ADGRE2: variants seen among roughly 807,000 people sequenced by gnomAD.
ADGRE2 encodes CD97 antigen.
Under a neutral mutation model 100.8 loss-of-function variants are expected in ADGRE2, and 83 were observed. The observed-to-expected ratio is 0.82, with a 90% CI of 0.69 to 0.99. The LOEUF (loss-of-function observed/expected upper bound fraction) is 0.99. Ranked by LOEUF, ADGRE2 falls within the 50% of genes least tolerant of loss-of-function variation. ADGRE2 has a pLI of 0.00. For synonymous variants in ADGRE2, 355 were observed against 413.0 expected (o/e 0.86, Z 1.70); for missense variants, 814 against 1,035.7 (o/e 0.79, Z 2.94).
chr19:14,761,315 A>G (rs1599847565), intron 11 of ADGRE2, among the ~76,000 whole-genome samples: 1 of 152,166 alleles, frequency 6.6e-6, no homozygotes, highest in East Asian at 1.9e-4. Context: ...CTGAGGCAGG[A>G]GAATCGCTTG....
chr19:14,740,769 C>CTCTG, intron 20 of ADGRE2, among the ~76,000 whole-genome samples: 1 of 152,270 alleles, frequency 6.6e-6, no homozygotes, highest in East Asian at 1.9e-4. Context: ...AGGGGTCTTG[C>CTCTG]TCTGTCACCC....
In ADGRE2 at chr19:14,769,216, A is replaced by AC. The variant is rs34106120; in HGVS notation, c.356-2108dup. ...ACCAGCCTGGACAACATGGTGAGAC[A>AC]CCCCCCCCCCATCTTTACTAATAAA... On this transcript the variant is annotated intron_variant, in intron 5 of 20. Coordinates refer to ENST00000315576, the MANE Select transcript of ADGRE2 (RefSeq NM_013447.4). 5.7e-3 allele frequency among the ~76,000 whole-genome samples: 860 copies of AC among 149,794 alleles called. 4 individuals carry two copies. The highest frequency in any genetic ancestry group is 0.026 in the South Asian group (119 of 4,652).
chr19:14,725,714 A>G, the ADGRE2 span, among the ~76,000 whole-genome samples: 1 of 152,236 alleles, frequency 6.6e-6, no homozygotes, highest in Admixed American at 6.5e-5. Flanking sequence ...CTTTGACTCC[A>G]TGTCCTGCGT....
At chr19:14,744,529 C>T (rs1179583587) in intron 18 of ADGRE2, among the ~76,000 whole-genome samples, 1 of 152,018 alleles carries the variant, frequency 6.6e-6, no homozygotes, top group African/African-American at 2.4e-5. Flanking sequence ...GATCTTGGCT[C>T]ACTGCAACCT....
At chr19:14,750,102 T>C (rs967086205) in intron 16 of ADGRE2, among the ~76,000 whole-genome samples, 4 of 99,512 alleles carry the variant, frequency 4.0e-5, no homozygotes, top group Non-Finnish European at 7.4e-5. Context: ...ATGTAATTAT[T>C]CATAGTTACA....
intron 15 of ADGRE2, 128 bp from the exon 16 acceptor site, chr19:14,751,799 T>C (rs943236535): frequency 2.9e-6 from 2 of 691,334 alleles, no homozygotes; most frequent in Non-Finnish European, 4.8e-6. Context: ...ATTTGCTGTG[T>C]AGTTGAGTCA....
intron 4 of ADGRE2, among the ~76,000 whole-genome samples, chr19:14,773,401 TTCTG>T (rs541589716): frequency 2.1e-5 from 3 of 145,670 alleles, no homozygotes; most frequent in Non-Finnish European, 4.5e-5. Flanking sequence ...CCTTCTCTCT[TTCTG>T]TCTTTTTTTT....
chr19:14,746,960 C>T lies in ADGRE2; in HGVS notation c.2027G>A (p.Cys676Tyr). Residue 676 changes from cysteine to tyrosine, a missense_variant and splice_region_variant, in exon 17 of 21, where the codon TGC (cysteine) becomes TAC (tyrosine). Physicochemically the swap from Cys to Tyr is radical, Grantham distance 194 (BLOSUM62 -2). Coordinates refer to ENST00000315576, the MANE Select transcript of ADGRE2 (RefSeq NM_013447.4). Reference protein sequence around the residue: ...RPHLYGTPSRCWLQPEKGFIW... With the variant: ...RPHLYGTPSRYWLQPEKGFIW... The stretch of plus-strand genomic sequence containing the variant: ...AAATCCCTTTTCTGGTTGGAGCCAG[C>T]AGCTGAAAAAAGAGAGATTAAAAAA... 11 of 1,609,236 alleles carry T rather than the reference C, an allele frequency of 6.8e-6. No homozygotes were observed. The highest frequency in any genetic ancestry group is 9.3e-6 in the Non-Finnish European group (11 of 1,177,898).
In ADGRE2 at chr19:14,759,503, A is replaced by T. The variant is rs1246440802; in HGVS notation, c.1085-3158T>A. ...ATAAGTTATACATATATATATATAT[A>T]TTTTTTTTTTTTAGACGGAGTCTCA... On this transcript the variant is annotated intron_variant, in intron 11 of 20. Transcript: ENST00000315576. Among the ~76,000 whole-genome samples, 394 of 133,342 alleles carry T rather than the reference A, an allele frequency of 3.0e-3. 2 individuals carry two copies. Among genetic ancestry groups the T allele is most frequent in the African/African-American group, 4.2e-3 (143 of 33,660 alleles). The allele number at this position is 133,342 out of a possible 152,430, so 87.5% of individuals were successfully genotyped here. A position where few individuals can be genotyped will look rare whatever the true frequency, so the allele number is the denominator to read the frequency against.
chr19:14,752,470 C>T lies in ADGRE2; in HGVS notation c.1647G>A (p.Leu549=). The stretch of plus-strand genomic sequence containing the variant: ...AAGTGAGGGCCGCCAGGAGGAGGCA[C>T]AGCAGAGAGACGCTCAGCCCCATGT... ...ITYMGLSVSL[L]CLLLAALTFL... Residue 549 remains leucine, a synonymous_variant, in exon 15 of 21, where the codon CTG becomes CTA. Coordinates refer to ENST00000315576, the MANE Select transcript of ADGRE2 (RefSeq NM_013447.4). 3 of 1,614,136 alleles carry T rather than the reference C, an allele frequency of 1.9e-6. No individual in the cohort carries two copies. The highest frequency in any genetic ancestry group is 2.2e-5 in the East Asian group (1 of 44,882).
At position 14,764,552 on chromosome 19, in the gene ADGRE2, G is replaced by A. The variant is rs141383411; in HGVS notation, c.965C>T (p.Pro322Leu). The A allele has an allele frequency of 6.2e-7, 1 of 1,612,930 alleles. No individual in the cohort carries two copies. The highest frequency in any genetic ancestry group is 8.5e-7 in the Non-Finnish European group (1 of 1,179,944). Reference protein sequence around the residue: ...LEAPGDLETLPRLQQHCVASH... With the variant: ...LEAPGDLETLLRLQQHCVASH... ...GGCCACACAGTGCTGCTGTAAGCGG[G>A]GCAGGGTCTCCAGGTCCCCAGGGGC... Residue 322 changes from proline (P) to leucine (L), a missense_variant, in exon 11 of 21, where the codon CCC (proline) becomes CTC (leucine). Physicochemically the swap from Pro to Leu is moderately conservative, Grantham distance 98. This residue lies in a region of ADGRE2 where 569 missense variants were observed against 692.7 expected (regional missense o/e 0.82). Coordinates refer to ENST00000315576, the MANE Select transcript of ADGRE2 (RefSeq NM_013447.4).
rs142343910 is a variant in ADGRE2 at position 14,774,000 on chromosome 19, C to T, written c.137G>A (p.Arg46His). 1.1e-4 allele frequency: 179 copies of T among 1,613,910 alleles called. No homozygotes were observed. The highest frequency in any genetic ancestry group is 1.8e-4 in the South Asian group (16 of 91,078). The change falls in exon 4 of 21, where the codon CGC becomes CAC. Residue 46 changes from arginine (R) to histidine (H), a missense_variant. Physicochemically the swap from Arg to His is conservative, Grantham distance 29 (BLOSUM62 0). Transcript: ENST00000315576. ...AAAAGAGCTGAACCCTGGATTGCAG[C>T]GACAGGCGGTGGCATTGACACACGA... ...DSSCVNATACRCNPGFSSFSE... is the reference protein window; with the variant it reads ...DSSCVNATACHCNPGFSSFSE...
At chr19:14,725,503 C>A in the ADGRE2 span, among the ~76,000 whole-genome samples, 1 of 152,182 alleles carries the variant, frequency 6.6e-6, no homozygotes, top group African/African-American at 2.4e-5. Context: ...TCAAAAGTCT[C>A]ATCTGAAGAT....
At chr19:14,748,642 G>C (rs970236962) in intron 16 of ADGRE2, among the ~76,000 whole-genome samples, 1 of 152,142 alleles carries the variant, frequency 6.6e-6, no homozygotes, top group Non-Finnish European at 1.5e-5. Flanking sequence ...TCATGTACAA[G>C]TTTTTTTGTG....
intron 4 of ADGRE2, among the ~76,000 whole-genome samples, chr19:14,773,302 CT>C (rs1568627574): frequency 4.0e-5 from 6 of 148,216 alleles, no homozygotes; most frequent in African/African-American, 1.3e-4. Flanking sequence ...TCCTTCCTTC[CT>C]TCTTTCCTCC....
In ADGRE2 at chr19:14,774,030, T is replaced by A; in HGVS notation, c.107A>T (p.Asp36Val). 6.2e-7 allele frequency: 1 copy of A among 1,612,842 alleles called. No individual in the cohort carries two copies. Among genetic ancestry groups the A allele is most frequent in the South Asian group, 1.1e-5 (1 of 91,012 alleles). Reference protein sequence around the residue: ...SRGCARWCPQDSSCVNATACR... With the variant: ...SRGCARWCPQVSSCVNATACR... ...GGCGGTGGCATTGACACACGAGGAG[T>A]CCTGAGGGCACCACCGGGCACAGCC... Residue 36 changes from aspartate (D) to valine (V), a missense_variant, in exon 4 of 21, where the codon GAC (aspartate) becomes GTC (valine). Physicochemically the swap from Asp to Val is radical, Grantham distance 152. This residue lies in a region of ADGRE2 where 143 missense variants were observed against 160.3 expected (regional missense o/e 0.89). Transcript: ENST00000315576.
chr19:14,769,656 CT>C lies in ADGRE2; in HGVS notation c.356-2548del. Reference sequence around the variant, plus strand: ...CCTATCCACCAACTAAGCCCCCTCTCTCAGTGTTGGCCTCTTTTCTTTTCTC... The same window carrying C: ...CCTATCCACCAACTAAGCCCCCTCTCCAGTGTTGGCCTCTTTTCTTTTCTC... On this transcript the variant is annotated intron_variant, in intron 5 of 20. Coordinates refer to ENST00000315576, the MANE Select transcript of ADGRE2 (RefSeq NM_013447.4). Among the ~76,000 whole-genome samples, 3 of 152,298 alleles carry C rather than the reference CT, an allele frequency of 2.0e-5. No individual in the cohort carries two copies. In the South Asian group the frequency reaches 6.2e-4, roughly 32 times the overall value.
intron 20 of ADGRE2, among the ~76,000 whole-genome samples, chr19:14,736,447 GAC>G (rs2042747345): frequency 6.6e-6 from 1 of 151,914 alleles, no homozygotes; most frequent in Non-Finnish European, 1.5e-5. Flanking sequence ...TTTTAGTAGA[GAC>G]AGGGTTTCAC....
chr19:14,766,065 C>T, intron 7 of ADGRE2, 170 bp downstream of exon 7: 2 of 1,371,360 alleles, frequency 1.5e-6, no homozygotes, highest in Non-Finnish European at 2.0e-6. Flanking sequence ...CCTCAGTACC[C>T]CAGCTCCTTC....
Sources: gnomAD v4.1 joint callset for allele counts (sites outside exome capture counted in the v4.1 genomes callset) on GRCh38, gnomAD v4.1.1 for gene constraint, gnomAD v4.1.1 regional missense constraint, MANE v1.5 for transcripts, NCBI Gene and HGNC (gene_info 2026-07-23, HGNC 2026-07-21) for gene names.